MYMK: variants seen among roughly 807,000 people sequenced by gnomAD.
The protein encoded by MYMK is protein myomaker.
Under a neutral mutation model 22.4 loss-of-function variants are expected in MYMK, and 16 were observed. The observed-to-expected ratio is 0.72, with a 90% CI of 0.48 to 1.09. MYMK has a LOEUF of 1.09. Ranked by LOEUF, MYMK falls within the 50% of genes least tolerant of loss-of-function variation. MYMK has a pLI of 0.00. For missense variants in MYMK, 250 were observed against 295.6 expected, an observed-to-expected ratio of 0.85 and a Z score of 1.13; for synonymous variants, 125 against 127.0, an observed-to-expected ratio of 0.98 and a Z score of 0.11.
chr9:133,524,281 C>A (rs1158270243), intron 1 of MYMK, among the ~76,000 whole-genome samples: 1 of 152,176 alleles, frequency 6.6e-6, no homozygotes, highest in African/African-American at 2.4e-5. Flanking sequence ...CCCTGCAGAC[C>A]CCTTCCCAGG....
At chr9:133,520,120 A>T (rs1037851475) in intron 2 of MYMK, 54 bp downstream of exon 2, 20 of 1,439,150 alleles carry the variant, frequency 1.4e-5, no homozygotes, top group African/African-American at 1.3e-4. Flanking sequence ...GTGTGCGGAC[A>T]CTGGGGAGCC....
chr9:133,515,518 C>T lies in MYMK; in HGVS notation c.489G>A (p.Leu163=), dbSNP rs1003837969. 1.2e-5 allele frequency: 20 copies of T among 1,613,310 alleles called. No individual in the cohort carries two copies. In the Admixed American group the frequency reaches 2.2e-4, roughly 17 times the overall value. ...CAAAGAAGAAGCGTAGCATCAGGGC[C>T]AGCGCCCCGAAGCAGAGGCCGGGGC... The part of the protein sequence containing the change: ...QIGPGLCFGA[L]ALMLRFFFED... Residue 163 remains leucine, a synonymous_variant, in exon 4 of 5, where the codon CTG becomes CTA. Coordinates refer to ENST00000339996, the MANE Select transcript of MYMK (RefSeq NM_001080483.3). This position sits in a 1 kb window ranked among gnomAD's most constrained non-coding sequence, Gnocchi z 5.8.
intron 3 of MYMK, among the ~76,000 whole-genome samples, chr9:133,516,004 A>G (rs1844626300): frequency 6.6e-6 from 1 of 152,186 alleles, no homozygotes; most frequent in Admixed American, 6.5e-5. Context: ...CTGCCAGCCC[A>G]GTGTGGCCCA....
chr9:133,518,846 C>T lies in MYMK; in HGVS notation c.399+28G>A, dbSNP rs377632118. 4.1e-4 allele frequency: 647 copies of T among 1,593,590 alleles called. 4 individuals carry two copies. The African/African-American group carries it at 5.7e-3, about 14-fold the overall frequency. On this transcript the variant is annotated intron_variant, in intron 3 of 4. Transcript: ENST00000339996. ...AGAGGTGACGGGCCTCCTGGGTCCC[C>T]GTTCATCGAGGCTCGCGCAGTACGC...
At position 133,515,660 on chromosome 9, in the gene MYMK, G is replaced by A. The variant is rs536086519; in HGVS notation, c.400-53C>T. On this transcript the variant is annotated intron_variant, in intron 3 of 4. Coordinates refer to ENST00000339996, the MANE Select transcript of MYMK (RefSeq NM_001080483.3). The surrounding 1 kb of genome is among the most constrained non-coding windows in gnomAD (Gnocchi z 5.8). ...CTTTTAGGTCACAGCACTGGGGAAC[G>A]CCCCTCCCCAAACCAGCCCGAGAGC... 5.6e-5 allele frequency: 71 copies of A among 1,265,726 alleles called. No homozygotes were observed. In the African/African-American group the frequency reaches 8.7e-4, roughly 15 times the overall value. The allele number at this position is 1,265,726 out of a possible 1,614,324, so 78.4% of individuals were successfully genotyped here. A position where few individuals can be genotyped will look rare whatever the true frequency, so the allele number is the denominator to read the frequency against.
intron 2 of MYMK, among the ~76,000 whole-genome samples, 178 bp downstream of exon 2, chr9:133,519,996 G>A (rs1844681581): frequency 1.3e-5 from 2 of 152,218 alleles, no homozygotes; most frequent in African/African-American, 4.8e-5. Context: ...TTTAAGAGGT[G>A]CATATTCTTT....
rs1844610012 is a variant in MYMK at position 133,514,756 on chromosome 9, G to A, written c.546C>T (p.Phe182=). 6.2e-7 allele frequency: 1 copy of A among 1,614,046 alleles called. No individual in the cohort carries two copies. ...AGGACATAGCCAGGGCACAGTGGTA[G>A]AAGCTGTGGACATAAGTGTAGTCCC... is the stretch of plus-strand genomic sequence containing the variant. ...EDWDYTYVHS[F]YHCALAMSFV... is the part of the protein sequence containing the mutation. Residue 182 remains phenylalanine (F), a synonymous_variant, in exon 5 of 5, where the codon TTC becomes TTT. Transcript: ENST00000339996.
chr9:133,520,609 G>A (rs1410180503), intron 1 of MYMK, among the ~76,000 whole-genome samples: 1 of 152,180 alleles, frequency 6.6e-6, no homozygotes, highest in African/African-American at 2.4e-5. Context: ...GGTCACTCAG[G>A]TGAAGCCCGC....
At chr9:133,523,438 T>G (rs1844726398) in intron 1 of MYMK, among the ~76,000 whole-genome samples, 2 of 151,982 alleles carry the variant, frequency 1.3e-5, no homozygotes, top group South Asian at 4.1e-4. Context: ...GGTGTCATGC[T>G]GGGGATTGGG....
intron 1 of MYMK, 140 bp downstream of exon 1, chr9:133,524,570 C>T: frequency 7.7e-7 from 1 of 1,299,262 alleles, no homozygotes; most frequent in Non-Finnish European, 1.1e-6. Context: ...CTTCAGTCTC[C>T]AGACCCCACC....
chr9:133,518,757 C>T (rs1476259816), intron 3 of MYMK, 117 bp downstream of exon 3: 4 of 1,344,214 alleles, frequency 3.0e-6, no homozygotes, highest in Non-Finnish European at 4.0e-6. Context: ...TTCCTGCATC[C>T]ACCCATTTGC....
chr9:133,515,648 G>T lies in MYMK; in HGVS notation c.400-41C>A. On this transcript the variant is annotated intron_variant, in intron 3 of 4. Coordinates refer to ENST00000339996, the MANE Select transcript of MYMK (RefSeq NM_001080483.3). The surrounding 1 kb of genome is among the most constrained non-coding windows in gnomAD (Gnocchi z 5.8). ...GCCACAGCAAAGCTTTTAGGTCACA[G>T]CACTGGGGAACGCCCCTCCCCAAAC... 7.1e-7 allele frequency: 1 copy of T among 1,400,034 alleles called. No individual in the cohort carries two copies. The highest frequency in any genetic ancestry group is 1.0e-6 in the Non-Finnish European group (1 of 986,752). 86.7% of individuals were successfully genotyped at this position (1,400,034 alleles called of 1,614,324 possible).
intron 3 of MYMK, among the ~76,000 whole-genome samples, chr9:133,518,661 C>A (rs1227732280): frequency 1.3e-5 from 2 of 152,190 alleles, no homozygotes; most frequent in Non-Finnish European, 2.9e-5. Context: ...TGGGCTCAGT[C>A]TGGAGCTGGT....
At position 133,524,701 on chromosome 9, in the gene MYMK, C is replaced by T; in HGVS notation, c.135+9G>A. 2 of 1,614,156 alleles carry T rather than the reference C, an allele frequency of 1.2e-6. No homozygotes were observed. Among genetic ancestry groups the T allele is most frequent in the African/African-American group, 1.3e-5 (1 of 75,066 alleles). On this transcript the variant is annotated intron_variant, in intron 1 of 4. Transcript: ENST00000339996. ...CTGTGTGGGACTTCCTCCCAGCCCC[C>T]AGACTCACCGCCACGAAGAACAGGG...
Position 133,524,942 on chromosome 9 carries a change from AG to A in MYMK, c.-99del. On this transcript the variant is annotated 5_prime_UTR_variant, in exon 1 of 5. Transcript: ENST00000339996. ...GTGGGAAGGCCAGCTCCCTTTGGGC[AG>A]GGCTCTGATGGCAGCTGCGGGGAGC... The A allele has an allele frequency of 6.9e-7, 1 of 1,442,990 alleles. No individual in the cohort carries two copies. The highest frequency in any genetic ancestry group is 9.3e-7 in the Non-Finnish European group (1 of 1,076,092). The allele number at this position is 1,442,990 out of a possible 1,614,324, so 89.4% of individuals were successfully genotyped here.
In MYMK at chr9:133,519,028, G is replaced by A; in HGVS notation, c.251-6C>T. The A allele has an allele frequency of 6.2e-7, 1 of 1,613,638 alleles. No individual in the cohort carries two copies. The stretch of plus-strand genomic sequence containing the variant: ...TTCGTCGAAGTCGGCCAGTGCTGGA[G>A]GGGCCAGGGAGACACAGGGGGAGGT... On this transcript the variant is annotated splice_polypyrimidine_tract_variant and splice_region_variant and intron_variant, in intron 2 of 4. Coordinates refer to ENST00000339996, the MANE Select transcript of MYMK (RefSeq NM_001080483.3).
chr9:133,524,491 G>C (rs1038971724), intron 1 of MYMK, among the ~76,000 whole-genome samples: 2 of 152,186 alleles, frequency 1.3e-5, no homozygotes, highest in African/African-American at 4.8e-5. Context: ...AGTGATCCCA[G>C]AGCAACTTCC....
At chr9:133,520,613 A>C (rs1309837430) in intron 1 of MYMK, among the ~76,000 whole-genome samples, 1 of 152,102 alleles carries the variant, frequency 6.6e-6, no homozygotes, top group East Asian at 1.9e-4. Context: ...ACTCAGGTGA[A>C]GCCCGCTTAG....
chr9:133,522,443 G>A (rs1844713165), intron 1 of MYMK, among the ~76,000 whole-genome samples: 1 of 152,258 alleles, frequency 6.6e-6, no homozygotes, highest in African/African-American at 2.4e-5. Context: ...ATTGTCACGG[G>A]AGGGGCCTGA....
Sources: gnomAD v4.1 joint callset for allele counts (sites outside exome capture counted in the v4.1 genomes callset) on GRCh38, gnomAD v4.1.1 for gene constraint, Gnocchi (gnomAD v3.1) non-coding constraint, MANE v1.5 for transcripts, NCBI Gene and HGNC (gene_info 2026-07-23, HGNC 2026-07-21) for gene names.